Variants in ADTRP observed in about 807,000 individuals in gnomAD.
ADTRP encodes androgen dependent TFPI regulating protein, also known as androgen-dependent TFPI-regulating protein.
In ADTRP, 20 loss-of-function variants were observed where a neutral mutation model predicts 27.0. That is an observed-to-expected ratio of 0.74 (90% CI 0.52 to 1.08). The LOEUF is 1.08. Among genes scored for constraint, ADTRP ranks in the 50% least tolerant of loss-of-function variants. The pLI is 0.00. For synonymous variants in ADTRP, 101 were observed against 105.2 expected, an observed-to-expected ratio of 0.96 and a Z score of 0.25; for missense variants, 251 against 275.0, an observed-to-expected ratio of 0.91 and a Z score of 0.62.
At chr6:11,715,645 TC>T (rs1761788207) in intron 5 of ADTRP, among the ~76,000 whole-genome samples, 2 of 118,472 alleles carry the variant, frequency 1.7e-5, no homozygotes. Flanking sequence ...CTTCTGTTTT[TC>T]CCTTTTTTTT....
Position 11,764,187 on chromosome 6 carries a change from T to G in ADTRP, c.390+2087A>C, listed in dbSNP as rs551967063. Among the ~76,000 whole-genome samples, 54 of 152,376 alleles carry G rather than the reference T, an allele frequency of 3.5e-4. No individual in the cohort carries two copies. The South Asian group carries it at 5.6e-3, about 16-fold the overall frequency. ...CGTTGCACAGTATCTGCCTTGCTAA[T>G]TAGCTCACGGATGTGATGTATGTTA... On this transcript the variant is annotated intron_variant, in intron 3 of 5. Transcript: ENST00000414691.
At position 11,758,535 on chromosome 6, in the gene ADTRP, A is replaced by G. The variant is rs894903623; in HGVS notation, c.390+7739T>C. 1.2e-4 allele frequency among the ~76,000 whole-genome samples: 15 copies of G among 123,326 alleles called. No homozygotes were observed. The East Asian group carries it at 3.7e-3, about 30-fold the overall frequency. The allele number at this position is 123,326 out of a possible 152,430, so 80.9% of individuals were successfully genotyped here. On this transcript the variant is annotated intron_variant, in intron 3 of 5. Transcript: ENST00000414691. ...AATTGAACAATGAGAACACATGGAC[A>G]CAGGAAGGGGAACATCACACACCGG...
In ADTRP at chr6:11,753,007, C is replaced by T. The variant is rs574512899; in HGVS notation, c.390+13267G>A. On this transcript the variant is annotated intron_variant, in intron 3 of 5. Coordinates refer to ENST00000414691, the MANE Select transcript of ADTRP (RefSeq NM_032744.4). The stretch of plus-strand genomic sequence containing the variant: ...CGGAGAATTAAGGATGGTAAACATA[C>T]TTTGCCTGTTTAAAGGAACCCAATA... Among the ~76,000 whole-genome samples, 7 of 152,288 alleles carry T rather than the reference C, an allele frequency of 4.6e-5. No homozygotes were observed. In the South Asian group the frequency reaches 1.2e-3, roughly 27 times the overall value.
At chr6:11,761,226 A>G (rs4713857) in intron 3 of ADTRP, among the ~76,000 whole-genome samples, 34,591 of 152,094 alleles carry the variant, frequency 0.23, 4,561 homozygotes, top group African/African-American at 0.36. Flanking sequence ...ATTTCCCTGT[A>G]CGCTATTAAA....
chr6:11,738,948 A>G (rs1235689488), intron 3 of ADTRP, among the ~76,000 whole-genome samples: 5 of 152,280 alleles, frequency 3.3e-5, no homozygotes, highest in Admixed American at 3.3e-4. Context: ...AGAGCTAAAC[A>G]TGATGCAATA....
At chr6:11,728,972 T>C (rs73725705) in intron 4 of ADTRP, among the ~76,000 whole-genome samples, 44 of 152,364 alleles carry the variant, frequency 2.9e-4, no homozygotes, top group African/African-American at 1.0e-3. Flanking sequence ...TCTTGAGCCA[T>C]CTGCTACGTG....
chr6:11,764,249 A>G (rs548091244), intron 3 of ADTRP, among the ~76,000 whole-genome samples: 22 of 152,316 alleles, frequency 1.4e-4, no homozygotes, highest in Admixed American at 3.3e-4. Context: ...ACAAATCCAT[A>G]TGGCTGTTTA....
intron 3 of ADTRP, among the ~76,000 whole-genome samples, chr6:11,753,322 GT>G (rs1763113833): frequency 6.6e-6 from 1 of 152,140 alleles, no homozygotes; most frequent in African/African-American, 2.4e-5. Context: ...ATAGATTTGA[GT>G]TACCAGATGG....
chr6:11,760,789 C>T (rs1015780529), intron 3 of ADTRP, among the ~76,000 whole-genome samples: 3 of 152,130 alleles, frequency 2.0e-5, no homozygotes, highest in African/African-American at 7.2e-5. Flanking sequence ...ATTCACAATC[C>T]TTGCACCTCC....
intron 1 of ADTRP, among the ~76,000 whole-genome samples, chr6:11,775,027 C>T (rs755595123): frequency 5.3e-5 from 8 of 152,310 alleles, no homozygotes; most frequent in South Asian, 2.1e-4. Context: ...ACCACCAGGA[C>T]GGCCTGGTGC....
intron 2 of ADTRP, among the ~76,000 whole-genome samples, chr6:11,766,735 T>C (rs1453777674): frequency 6.6e-6 from 1 of 152,158 alleles, no homozygotes; most frequent in Non-Finnish European, 1.5e-5. Context: ...ATGCTGAGAG[T>C]AGGCACATGG....
chr6:11,760,013 A>G (rs189520618), intron 3 of ADTRP, among the ~76,000 whole-genome samples: 46 of 152,270 alleles, frequency 3.0e-4, no homozygotes, highest in Non-Finnish European at 6.2e-4. Flanking sequence ...AACGAATGCC[A>G]CTCTGCTGGT....
chr6:11,742,642 C>T (rs561176962), intron 3 of ADTRP, among the ~76,000 whole-genome samples: 5 of 152,290 alleles, frequency 3.3e-5, no homozygotes, highest in South Asian at 4.1e-4. Context: ...TTCATTTTAG[C>T]GAGACTAAGC....
chr6:11,758,364 A>ACGAGAATCCC (rs1763279221), intron 3 of ADTRP, among the ~76,000 whole-genome samples: 1 of 152,062 alleles, frequency 6.6e-6, no homozygotes, highest in Non-Finnish European at 1.5e-5. Context: ...ACTCTTTAAA[A>ACGAGAATCCC]CGAGAATCCC....
intron 1 of ADTRP, among the ~76,000 whole-genome samples, chr6:11,777,205 T>C (rs1349001321): frequency 6.6e-6 from 1 of 152,150 alleles, no homozygotes; most frequent in African/African-American, 2.4e-5. Context: ...ATAAGGGCTC[T>C]TGGAAATGTA....
At chr6:11,757,469 G>T (rs1169963271) in intron 3 of ADTRP, among the ~76,000 whole-genome samples, 1 of 152,088 alleles carries the variant, frequency 6.6e-6, no homozygotes, top group Non-Finnish European at 1.5e-5. Flanking sequence ...TGATACCTTT[G>T]CTCTTGCCAA....
intron 3 of ADTRP, among the ~76,000 whole-genome samples, chr6:11,759,124 C>G (rs1476863481): frequency 6.6e-6 from 1 of 152,288 alleles, no homozygotes; most frequent in South Asian, 2.1e-4. Flanking sequence ...AAAGGGAGGC[C>G]TACTGTTCAC....
chr6:11,722,709 A>AT (rs372093967), intron 5 of ADTRP, among the ~76,000 whole-genome samples: 2,270 of 151,834 alleles, frequency 0.015, 50 homozygotes, highest in African/African-American at 0.052. Context: ...AGTTAAGATG[A>AT]TTTTTTTTTC....
intron 1 of ADTRP, among the ~76,000 whole-genome samples, chr6:11,769,331 G>A (rs888737305): frequency 6.6e-6 from 1 of 152,108 alleles, no homozygotes; most frequent in Non-Finnish European, 1.5e-5. Context: ...CTGGGCTGGG[G>A]ATTGATCAAG....
Sources: gnomAD v4.1 joint callset for allele counts (sites outside exome capture counted in the v4.1 genomes callset) on GRCh38, gnomAD v4.1.1 for gene constraint, MANE v1.5 for transcripts, NCBI Gene and HGNC (gene_info 2026-07-23, HGNC 2026-07-21) for gene names.